Variants in SCHIP1 observed in about 807,000 individuals in gnomAD.
SCHIP1 encodes schwannomin-interacting protein 1.
A neutral mutation model predicts 29.7 loss-of-function variants in SCHIP1; 8 were observed. That is an observed-to-expected ratio of 0.27 (90% CI 0.16 to 0.49). The LOEUF (loss-of-function observed/expected upper bound fraction) is 0.49, where lower values mean the gene tolerates loss of function less well. Among genes scored for constraint, SCHIP1 ranks in the 20% least tolerant of loss-of-function variants. The probability of loss-of-function intolerance (pLI) is 0.99; values close to 1 mark genes in which losing one functional copy is unlikely to be tolerated. For synonymous variants in SCHIP1, 76 were observed against 94.9 expected, an observed-to-expected ratio of 0.80 and a Z score of 1.16; for missense variants, 193 against 294.6, an observed-to-expected ratio of 0.66 and a Z score of 2.52.
chr3:159,332,975 G>A, the SCHIP1 span, among the ~76,000 whole-genome samples: 2 of 152,282 alleles, frequency 1.3e-5, no homozygotes, highest in Admixed American at 6.5e-5. Flanking sequence ...ATCAGTTTCA[G>A]TGCCTGTTGG....
At chr3:159,678,531 C>A in the SCHIP1 span, among the ~76,000 whole-genome samples, 1 of 152,190 alleles carries the variant, frequency 6.6e-6, no homozygotes, top group Non-Finnish European at 1.5e-5. Context: ...TTTAATTTTA[C>A]AATTTACTTA....
At chr3:159,441,645 C>T in the SCHIP1 span, among the ~76,000 whole-genome samples, 1 of 152,176 alleles carries the variant, frequency 6.6e-6, no homozygotes, top group East Asian at 1.9e-4. Context: ...AAGTTATAGA[C>T]CCTGGCTTTG....
At chr3:159,886,231 G>A (rs750734390) in exon 3 of SCHIP1, 1 of 1,614,214 alleles carries the variant, frequency 6.2e-7, no homozygotes, top group Non-Finnish European at 8.5e-7. Flanking sequence ...TGAACTTGCA[G>A]ATATGCTTTG....
the SCHIP1 span, among the ~76,000 whole-genome samples, chr3:159,453,131 C>T: frequency 6.5e-4 from 99 of 152,182 alleles, no homozygotes; most frequent in African/African-American, 2.2e-3. Flanking sequence ...GTTAGGGTTT[C>T]CCAACCAATT....
the SCHIP1 span, among the ~76,000 whole-genome samples, chr3:159,281,692 CT>C: frequency 2.6e-5 from 4 of 151,884 alleles, no homozygotes; most frequent in African/African-American, 9.7e-5. Flanking sequence ...TGGACGGTTA[CT>C]TTTTTTTCAG....
the SCHIP1 span, among the ~76,000 whole-genome samples, chr3:159,412,887 G>A: frequency 6.6e-6 from 1 of 152,166 alleles, no homozygotes; most frequent in East Asian, 1.9e-4. Context: ...GGGTGGTAGA[G>A]ACATTGTATT....
At chr3:159,687,356 A>G in the SCHIP1 span, among the ~76,000 whole-genome samples, 1 of 152,076 alleles carries the variant, frequency 6.6e-6, no homozygotes, top group Non-Finnish European at 1.5e-5. Flanking sequence ...CCCATCTCAG[A>G]AATGAGTCTG....
At chr3:159,784,774 C>T in the SCHIP1 span, among the ~76,000 whole-genome samples, 3 of 152,260 alleles carry the variant, frequency 2.0e-5, no homozygotes, top group African/African-American at 2.4e-5. Flanking sequence ...CTGCCCCAGC[C>T]TCCTGAGTAG....
At chr3:159,719,000 A>AACCAAAACAGCATGGTACTGGT in the SCHIP1 span, among the ~76,000 whole-genome samples, 1 of 152,234 alleles carries the variant, frequency 6.6e-6, no homozygotes, top group South Asian at 2.1e-4. Context: ...AGCCTACAGT[A>AACCAAAACAGCATGGTACTGGT]ACCAAAACAG....
chr3:159,798,664 A>ACGAGAAT, the SCHIP1 span, among the ~76,000 whole-genome samples: 4 of 152,084 alleles, frequency 2.6e-5, no homozygotes, highest in African/African-American at 7.2e-5. Flanking sequence ...AGCCTGAGGC[A>ACGAGAAT]CGAGAATCGC....
At chr3:159,681,136 T>C in the SCHIP1 span, among the ~76,000 whole-genome samples, 2 of 152,116 alleles carry the variant, frequency 1.3e-5, no homozygotes, top group Non-Finnish European at 2.9e-5. Flanking sequence ...TGTCTGTTAA[T>C]CTCTCTGCAG....
chr3:159,337,730 A>T, the SCHIP1 span, among the ~76,000 whole-genome samples: 1 of 152,200 alleles, frequency 6.6e-6, no homozygotes, highest in Non-Finnish European at 1.5e-5. Context: ...TGTTCCACCA[A>T]GAAATCTTTG....
At chr3:159,599,739 T>C in the SCHIP1 span, among the ~76,000 whole-genome samples, 2 of 152,160 alleles carry the variant, frequency 1.3e-5, no homozygotes, top group Non-Finnish European at 2.9e-5. Context: ...CTTATTGTCA[T>C]TGCGGTCTGG....
chr3:159,678,760 CG>C, the SCHIP1 span, among the ~76,000 whole-genome samples: 12 of 152,256 alleles, frequency 7.9e-5, no homozygotes, highest in Non-Finnish European at 1.3e-4. Flanking sequence ...TCCACATGGC[CG>C]GGGAGGCCTC....
At chr3:159,405,740 G>A in the SCHIP1 span, among the ~76,000 whole-genome samples, 1 of 151,582 alleles carries the variant, frequency 6.6e-6, no homozygotes, top group Non-Finnish European at 1.5e-5. Flanking sequence ...TAAATTAGCT[G>A]GGCATGGTGG....
At chr3:159,603,345 G>T in the SCHIP1 span, among the ~76,000 whole-genome samples, 1 of 152,110 alleles carries the variant, frequency 6.6e-6, no homozygotes, top group Admixed American at 6.6e-5. Flanking sequence ...TCATTACATA[G>T]ACATGATTGA....
chr3:159,646,886 T>C, the SCHIP1 span, among the ~76,000 whole-genome samples: 1 of 151,404 alleles, frequency 6.6e-6, no homozygotes, highest in African/African-American at 2.4e-5. Context: ...CCAGGAATAC[T>C]AAAAGAGACC....
At chr3:159,805,045 G>T in the SCHIP1 span, among the ~76,000 whole-genome samples, 12 of 152,294 alleles carry the variant, frequency 7.9e-5, no homozygotes, top group Admixed American at 1.3e-4. Context: ...CCCAAATAGG[G>T]TGTGGTGTTT....
chr3:159,585,851 A>T, the SCHIP1 span, among the ~76,000 whole-genome samples: 1 of 152,130 alleles, frequency 6.6e-6, no homozygotes, highest in Non-Finnish European at 1.5e-5. Context: ...TTTTATCATA[A>T]TTTTAATAGT....
Sources: allele counts gnomAD v4.1 joint callset (sites outside exome capture counted in the v4.1 genomes callset), GRCh38; gene constraint gnomAD v4.1.1; transcripts MANE v1.5; gene names NCBI Gene and HGNC (gene_info 2026-07-23, HGNC 2026-07-21).